Variants in TTC9C observed in about 807,000 individuals in gnomAD.
TTC9C encodes the protein tetratricopeptide repeat domain 9C, also known as tetratricopeptide repeat protein 9C.
In TTC9C, 15 loss-of-function variants were observed where a neutral mutation model predicts 22.5. The observed-to-expected ratio is 0.67, with a 90% CI of 0.45 to 1.03. The LOEUF (loss-of-function observed/expected upper bound fraction) is 1.03. Among genes scored for constraint, TTC9C ranks in the 50% least tolerant of loss-of-function variants. The probability of loss-of-function intolerance (pLI) is 0.00; values close to 1 mark genes in which losing one functional copy is unlikely to be tolerated. For synonymous variants in TTC9C, 92 were observed against 86.8 expected (o/e 1.06, Z -0.33); for missense variants, 244 against 214.6 (o/e 1.14, Z -0.86).
In TTC9C at chr11:62,729,049, G is replaced by A. The variant is rs1238716161; in HGVS notation, c.201G>A (p.Leu67=). 1.2e-6 allele frequency: 2 copies of A among 1,614,014 alleles called. No homozygotes were observed. The highest frequency in any genetic ancestry group is 1.1e-5 in the South Asian group (1 of 91,088). Residue 67 remains leucine (L), a synonymous_variant, in exon 1 of 3, where the codon TTG becomes TTA. Transcript: ENST00000316461. ...PALTPEQENI[L]HTTQTDCYNN... Reference sequence around the variant, plus strand: ...TCACGCCTGAACAAGAAAACATATTGCATACCACCCAGACAGACTGCTATA... The same window carrying A: ...TCACGCCTGAACAAGAAAACATATTACATACCACCCAGACAGACTGCTATA...
intron 1 of TTC9C, among the ~76,000 whole-genome samples, chr11:62,730,431 C>T (rs2083835170): frequency 6.6e-6 from 1 of 152,070 alleles, no homozygotes; most frequent in Admixed American, 6.6e-5. Context: ...TTACAGATAT[C>T]TGCCATCTTC....
chr11:62,731,489 C>A (rs12805493), intron 1 of TTC9C, among the ~76,000 whole-genome samples: 3 of 152,124 alleles, frequency 2.0e-5, no homozygotes, highest in Admixed American at 6.5e-5. Flanking sequence ...CCCAGCTATT[C>A]TGGAAACTGA....
chr11:62,735,301 CA>C (rs2083897503), intron 1 of TTC9C, 80 bp from the exon 2 acceptor site: 1 of 1,546,592 alleles, frequency 6.5e-7, no homozygotes, highest in African/African-American at 1.4e-5. Flanking sequence ...CCACCCTGTT[CA>C]GTACTGTCTT....
Position 62,728,958 on chromosome 11 carries a change from A to T in TTC9C, c.110A>T (p.Gln37Leu). ...AGTAGGTACCATCGAGCTCTGCTTC[A>T]GCTGCGGGGTCTGGATCCGAGTCTG... ...AVSRYHRALL[Q>L]LRGLDPSLPS... Residue 37 changes from glutamine to leucine, a missense_variant, in exon 1 of 3, where the codon CAG (glutamine) becomes CTG (leucine). By Grantham distance (113) the Gln-to-Leu change is moderately radical. Coordinates refer to ENST00000316461, the MANE Select transcript of TTC9C (RefSeq NM_173810.4). 6.2e-7 allele frequency: 1 copy of T among 1,614,188 alleles called. No individual in the cohort carries two copies. The highest frequency in any genetic ancestry group is 1.1e-5 in the South Asian group (1 of 91,070).
chr11:62,731,262 G>A (rs2083845924), intron 1 of TTC9C, among the ~76,000 whole-genome samples: 1 of 152,080 alleles, frequency 6.6e-6, no homozygotes, highest in Non-Finnish European at 1.5e-5. Flanking sequence ...TGTCTTTCCA[G>A]CTAGAATGCC....
chr11:62,729,781 G>A (rs2083825438), intron 1 of TTC9C, among the ~76,000 whole-genome samples: 1 of 151,902 alleles, frequency 6.6e-6, no homozygotes, highest in Non-Finnish European at 1.5e-5. Flanking sequence ...TCATAATATT[G>A]GTCAGGCTGG....
At chr11:62,733,263 A>G in intron 1 of TTC9C, 2 of 848,754 alleles carry the variant, frequency 2.4e-6, no homozygotes, top group Middle Eastern at 2.8e-4. Context: ...CTGTATTGTT[A>G]CTGAGAATGA....
chr11:62,730,471 C>T (rs2083835530), intron 1 of TTC9C, among the ~76,000 whole-genome samples: 2 of 152,208 alleles, frequency 1.3e-5, no homozygotes, highest in Non-Finnish European at 2.9e-5. Context: ...CACCATTTTA[C>T]AGATAAGGAA....
At chr11:62,728,443 T>G (rs745977887), upstream of TTC9C, 2 of 460,184 alleles carry the variant, frequency 4.3e-6, no homozygotes, top group South Asian at 3.1e-5. Flanking sequence ...TCCCTTCTAC[T>G]TCCAGGTCGG....
At chr11:62,730,327 G>A (rs1406136092) in intron 1 of TTC9C, among the ~76,000 whole-genome samples, 6 of 151,992 alleles carry the variant, frequency 3.9e-5, no homozygotes, top group Non-Finnish European at 5.9e-5. Context: ...CGCCCGCCTC[G>A]GCCTCGCAAA....
Position 62,730,489 on chromosome 11 carries a change from C to G in TTC9C, c.238+1403C>G. On this transcript the variant is annotated intron_variant, in intron 1 of 2. Coordinates refer to ENST00000316461, the MANE Select transcript of TTC9C (RefSeq NM_173810.4). ...CATTTTACAGATAAGGAAATCAGAT[C>G]CTGTCACTGCCTGAAACACCCCATT... Among the ~76,000 whole-genome samples, 4 of 152,296 alleles carry G rather than the reference C, an allele frequency of 2.6e-5. 1 individual carries two copies. The highest frequency in any genetic ancestry group is 6.8e-3 in the Middle Eastern group (2 of 294).
At chr11:62,733,694 T>A (rs543854008) in intron 1 of TTC9C, among the ~76,000 whole-genome samples, 4 of 152,074 alleles carry the variant, frequency 2.6e-5, no homozygotes, top group Non-Finnish European at 5.9e-5. Context: ...TATCTAATTT[T>A]ATATAAAAAA....
chr11:62,738,513 G>T lies in TTC9C; in HGVS notation c.*131G>T. The stretch of plus-strand genomic sequence containing the variant: ...CAGGTGGATTTTTGTTTCTAGTTCT[G>T]CACAAACTTCACTACTTAGACAGTC... On this transcript the variant is annotated 3_prime_UTR_variant, in exon 3 of 3. Transcript: ENST00000316461. 1.7e-6 allele frequency: 1 copy of T among 602,350 alleles called. No homozygotes were observed. Among genetic ancestry groups the T allele is most frequent in the South Asian group, 2.1e-5 (1 of 47,162 alleles). The allele number at this position is 602,350 out of a possible 1,614,324, so 37.3% of individuals were successfully genotyped here. A position where few individuals can be genotyped will look rare whatever the true frequency, so the allele number is the denominator to read the frequency against.
At chr11:62,734,582 A>C (rs1174952855) in intron 1 of TTC9C, among the ~76,000 whole-genome samples, 1 of 152,204 alleles carries the variant, frequency 6.6e-6, no homozygotes, top group Non-Finnish European at 1.5e-5. Context: ...TCTGTCTTAA[A>C]AAAATAATAA....
Position 62,738,280 on chromosome 11 carries a change from C to T in TTC9C, c.422-8C>T, listed in dbSNP as rs779289406. The T allele has an allele frequency of 1.9e-6, 3 of 1,598,322 alleles. No homozygotes were observed. The highest frequency in any genetic ancestry group is 2.6e-6 in the Non-Finnish European group (3 of 1,167,728). On this transcript the variant is annotated splice_region_variant and splice_polypyrimidine_tract_variant and intron_variant, in intron 2 of 2. Coordinates refer to ENST00000316461, the MANE Select transcript of TTC9C (RefSeq NM_173810.4). ...CTGTTTCTAATTGCTTCTCCATCAT[C>T]TTCCAAGATGCCAACGTCCGGCGGT...
At chr11:62,732,231 A>G (rs1453273216) in intron 1 of TTC9C, among the ~76,000 whole-genome samples, 5 of 149,154 alleles carry the variant, frequency 3.4e-5, no homozygotes, top group African/African-American at 1.2e-4. Flanking sequence ...TCCTGACCTC[A>G]TGATCTGCCT....
rs1160805230 is a variant in TTC9C, at chr11:62,728,827, G to T, written c.-22G>T. ...ACTTGCTCCTTCACTTCCCAGTTCC[G>T]CAAGAACCGTGGGCGACAGTTATGG... On this transcript the variant is annotated 5_prime_UTR_variant, in exon 1 of 3. Transcript: ENST00000316461. 6.2e-6 allele frequency: 10 copies of T among 1,612,564 alleles called. No homozygotes were observed. The highest frequency in any genetic ancestry group is 3.3e-5 in the Admixed American group (2 of 59,960).
chr11:62,735,435 C>G lies in TTC9C; in HGVS notation c.292C>G (p.Gln98Glu), dbSNP rs771098274. The change falls in exon 2 of 3, where the codon CAG becomes GAG. Residue 98 changes from glutamine to glutamate, a missense_variant. Gln to Glu is a conservative substitution (Grantham distance 29). Transcript: ENST00000316461. ...VNYERVREYS[Q>E]KVLERQPDNA... ...CTACGAACGAGTGAGAGAATATAGT[C>G]AGAAAGTCCTGGAACGACAGCCTGA... 6.2e-7 allele frequency: 1 copy of G among 1,614,126 alleles called. No homozygotes were observed. Among genetic ancestry groups the G allele is most frequent in the East Asian group, 2.2e-5 (1 of 44,882 alleles).
Position 62,729,088 on chromosome 11 carries a change from T to C in TTC9C, c.238+2T>C, listed in dbSNP as rs773407989. 6.2e-7 allele frequency: 1 copy of C among 1,612,078 alleles called. No homozygotes were observed. The highest frequency in any genetic ancestry group is 8.5e-7 in the Non-Finnish European group (1 of 1,178,910). ...CAGACTGCTATAACAATCTAGCTGG[T>C]AAGAACGGGGCTAAAGGGTGGCTAG... On this transcript the variant is annotated splice_donor_variant, in intron 1 of 2. Transcript: ENST00000316461. LOFTEE classifies it high-confidence loss of function.
Sources: gnomAD v4.1 joint callset for allele counts (sites outside exome capture counted in the v4.1 genomes callset) on GRCh38, gnomAD v4.1.1 for gene constraint, MANE v1.5 for transcripts, NCBI Gene and HGNC (gene_info 2026-07-23, HGNC 2026-07-21) for gene names.